OXR1: variants seen among roughly 807,000 people sequenced by gnomAD.
OXR1 encodes the protein oxidation resistance protein 1.
OXR1 carries 41 observed loss-of-function variants against 104.6 expected under a neutral mutation model. The observed-to-expected ratio is 0.39, with a 90% CI of 0.31 to 0.51. The LOEUF is 0.51. OXR1 is among the 20% of genes least tolerant of loss of function. The pLI is 0.77. For synonymous variants in OXR1, 348 were observed against 348.4 expected (o/e 1.00, Z 0.01); for missense variants, 955 against 1,031.9 (o/e 0.93, Z 1.02).
chr8:106,343,490 G>A (rs1815342250), intron 1 of OXR1, among the ~76,000 whole-genome samples: 1 of 152,206 alleles, frequency 6.6e-6, no homozygotes. Flanking sequence ...GTGATAGCAA[G>A]GATGGTGGCT....
chr8:106,555,725 A>G (rs550351875), intron 3 of OXR1, among the ~76,000 whole-genome samples: 1 of 151,996 alleles, frequency 6.6e-6, no homozygotes, highest in Non-Finnish European at 1.5e-5. Context: ...AAATAAGTAT[A>G]AATGAATATG....
intron 1 of OXR1, among the ~76,000 whole-genome samples, chr8:106,281,109 G>A (rs769289705): frequency 3.3e-5 from 5 of 151,998 alleles, no homozygotes; most frequent in African/African-American, 4.8e-5. Flanking sequence ...TAGGGCCCAC[G>A]GTTCTGCGCT....
intron 1 of OXR1, among the ~76,000 whole-genome samples, chr8:106,302,653 T>A (rs1365853984): frequency 6.6e-6 from 1 of 151,524 alleles, no homozygotes; most frequent in Non-Finnish European, 1.5e-5. Context: ...AGAGAAAATG[T>A]AATGGCAGTA....
intron 2 of OXR1, among the ~76,000 whole-genome samples, chr8:106,432,497 C>T (rs141927839): frequency 1.7e-4 from 26 of 152,306 alleles, no homozygotes; most frequent in African/African-American, 6.0e-4. Flanking sequence ...TTTGCTCGTT[C>T]TTTCCCTTAG....
chr8:106,495,706 A>G (rs184908637), intron 2 of OXR1, among the ~76,000 whole-genome samples: 1 of 152,326 alleles, frequency 6.6e-6, no homozygotes. Flanking sequence ...TGAGAGGATG[A>G]TAACTTCAAA....
intron 11 of OXR1, among the ~76,000 whole-genome samples, chr8:106,727,051 A>G (rs1046220433): frequency 6.6e-6 from 1 of 152,244 alleles, no homozygotes; most frequent in African/African-American, 2.4e-5. Context: ...GTGTCAAAAT[A>G]TTAAAATTTT....
chr8:106,606,288 CTTTA>C (rs140600718), intron 3 of OXR1, among the ~76,000 whole-genome samples: 18 of 145,992 alleles, frequency 1.2e-4, no homozygotes, highest in East Asian at 4.1e-4. Context: ...CTATGATACT[CTTTA>C]TTTATTTATT....
intron 2 of OXR1, among the ~76,000 whole-genome samples, chr8:106,430,688 T>C (rs1295729111): frequency 6.6e-6 from 1 of 152,202 alleles, no homozygotes; most frequent in Non-Finnish European, 1.5e-5. Flanking sequence ...TAGAGCCTTC[T>C]TATGAATACT....
At chr8:106,516,817 A>T (rs187542897) in intron 2 of OXR1, among the ~76,000 whole-genome samples, 1 of 152,116 alleles carries the variant, frequency 6.6e-6, no homozygotes, top group Non-Finnish European at 1.5e-5. Context: ...TGTAACTTTT[A>T]TTACAGTATA....
At chr8:106,664,855 A>G (rs75751882) in intron 3 of OXR1, among the ~76,000 whole-genome samples, 2,338 of 152,328 alleles carry the variant, frequency 0.015, 35 homozygotes, top group Admixed American at 0.047. Context: ...TCCTCCTTTG[A>G]CATCATCAAT....
intron 2 of OXR1, among the ~76,000 whole-genome samples, chr8:106,500,984 T>C (rs753467343): frequency 1.8e-4 from 27 of 151,950 alleles, no homozygotes; most frequent in Non-Finnish European, 3.2e-4. Flanking sequence ...ATGGAGAGAG[T>C]TGACAAATTG....
rs548237081 is a variant in OXR1, at chr8:106,672,076, A to C, written c.221-7134A>C. Reference sequence around the variant, plus strand: ...GACCACTAAAAGAATTGTTTAAAAAAATGTGTAACTTTCAGATATGTGGGG... The same window carrying C: ...GACCACTAAAAGAATTGTTTAAAAACATGTGTAACTTTCAGATATGTGGGG... On this transcript the variant is annotated intron_variant, in intron 3 of 16. Coordinates refer to ENST00000517566, the MANE Select transcript of OXR1 (RefSeq NM_001198533.2). 2.0e-5 allele frequency among the ~76,000 whole-genome samples: 3 copies of C among 151,188 alleles called. No individual in the cohort carries two copies. The South Asian group carries it at 6.2e-4, about 31-fold the overall frequency.
intron 7 of OXR1, among the ~76,000 whole-genome samples, chr8:106,698,195 C>G (rs1156740438): frequency 1.3e-5 from 2 of 152,174 alleles, no homozygotes; most frequent in African/African-American, 4.8e-5. Flanking sequence ...GGTTTTATTT[C>G]TTTTCAGAAC....
intron 3 of OXR1, among the ~76,000 whole-genome samples, chr8:106,672,338 T>A (rs1301496023): frequency 5.3e-5 from 7 of 131,562 alleles, no homozygotes; most frequent in African/African-American, 6.3e-5. Context: ...AAAAAAAAAA[T>A]TAGCTGGGGT....
At chr8:106,596,362 C>T (rs1240533910) in intron 3 of OXR1, among the ~76,000 whole-genome samples, 1 of 152,018 alleles carries the variant, frequency 6.6e-6, no homozygotes, top group African/African-American at 2.4e-5. Context: ...ATGAGAATCA[C>T]TTGAACCCAG....
At chr8:106,621,879 G>T (rs1297855523) in intron 3 of OXR1, among the ~76,000 whole-genome samples, 1 of 152,096 alleles carries the variant, frequency 6.6e-6, no homozygotes, top group African/African-American at 2.4e-5. Flanking sequence ...ACTCTGACAT[G>T]AACATTTAGT....
chr8:106,304,588 G>C (rs575639586), intron 1 of OXR1, among the ~76,000 whole-genome samples: 1 of 151,534 alleles, frequency 6.6e-6, no homozygotes, highest in African/African-American at 2.4e-5. Flanking sequence ...ATTTTATCTA[G>C]CTCAACGTGT....
intron 3 of OXR1, among the ~76,000 whole-genome samples, chr8:106,582,612 C>T (rs1818332670): frequency 6.6e-6 from 1 of 151,980 alleles, no homozygotes; most frequent in Non-Finnish European, 1.5e-5. Flanking sequence ...TATTGAGTTT[C>T]TGAGCAAAGC....
In OXR1 at chr8:106,525,671, G is replaced by C. The variant is rs558525518; in HGVS notation, c.220+6532G>C. ...GCAGGGCTCCTGAATAGGTCCAAAA[G>C]GGGGGCTCCTCGGCTAACAGGTGTT... On this transcript the variant is annotated intron_variant, in intron 3 of 16. Coordinates refer to ENST00000517566, the MANE Select transcript of OXR1 (RefSeq NM_001198533.2). 2.5e-4 allele frequency among the ~76,000 whole-genome samples: 38 copies of C among 152,208 alleles called. 1 individual carries two copies. Among genetic ancestry groups the C allele is most frequent in the Admixed American group, 1.4e-3 (22 of 15,278 alleles).
Sources: gnomAD v4.1 joint callset for allele counts (sites outside exome capture counted in the v4.1 genomes callset) on GRCh38, gnomAD v4.1.1 for gene constraint, MANE v1.5 for transcripts, NCBI Gene and HGNC (gene_info 2026-07-23, HGNC 2026-07-21) for gene names.